The following PUM2 variants were observed in gnomAD, a reference collection of about 807,000 sequenced individuals.
The protein encoded by PUM2 is pumilio RNA binding family member 2.
A neutral mutation model predicts 124.5 loss-of-function variants in PUM2; 57 were observed. The observed-to-expected ratio is 0.46, with a 90% CI of 0.37 to 0.57. The LOEUF (loss-of-function observed/expected upper bound fraction) is 0.57. Among genes scored for constraint, PUM2 ranks in the 20% least tolerant of loss-of-function variants. PUM2 has a pLI of 0.00. For synonymous variants in PUM2, 460 were observed against 446.1 expected, an observed-to-expected ratio of 1.03 and a Z score of -0.39; for missense variants, 1,065 against 1,290.6, an observed-to-expected ratio of 0.83 and a Z score of 2.68.
At chr2:20,285,536 A>G (rs930788694) in intron 10 of PUM2, among the ~76,000 whole-genome samples, 1 of 152,096 alleles carries the variant, frequency 6.6e-6, no homozygotes, top group African/African-American at 2.4e-5. Context: ...AGGCACCACG[A>G]TTCCCCTCAG....
intron 13 of PUM2, among the ~76,000 whole-genome samples, chr2:20,265,108 T>C (rs976108097): frequency 6.6e-6 from 1 of 151,934 alleles, no homozygotes; most frequent in Non-Finnish European, 1.5e-5. Context: ...AAAAATTAGC[T>C]GGGCGCGGTG....
At position 20,264,480 on chromosome 2, in the gene PUM2, T is replaced by TA. The variant is rs539165458; in HGVS notation, c.1958-1021dup. Among the ~76,000 whole-genome samples, 4 of 138,818 alleles carry TA rather than the reference T, an allele frequency of 2.9e-5. No individual in the cohort carries two copies. The South Asian group carries it at 9.3e-4, about 32-fold the overall frequency. 91.1% of individuals were successfully genotyped at this position (138,818 alleles called of 152,430 possible). On this transcript the variant is annotated intron_variant, in intron 13 of 20. Coordinates refer to ENST00000361078, the MANE Select transcript of PUM2 (RefSeq NM_015317.5). ...CTAGAGCCTTATCATTTACAATAAA[T>TA]AAAAAACATTTTTAACTTACATTCC...
chr2:20,342,673 T>C (rs749191606), intron 1 of PUM2, among the ~76,000 whole-genome samples: 1 of 152,312 alleles, frequency 6.6e-6, no homozygotes, highest in East Asian at 1.9e-4. Context: ...TTTAGCTTAT[T>C]ATGACTTATG....
rs1670889323 is a variant in PUM2, at chr2:20,278,943, A to C, written c.1721-124T>G. 3 of 737,294 alleles carry C rather than the reference A, an allele frequency of 4.1e-6. No homozygotes were observed. The Admixed American group carries it at 7.4e-5, about 18-fold the overall frequency. 45.7% of individuals were successfully genotyped at this position (737,294 alleles called of 1,614,324 possible). A position where few individuals can be genotyped will look rare whatever the true frequency, so the allele number is the denominator to read the frequency against. On this transcript the variant is annotated intron_variant, in intron 12 of 20. Coordinates refer to ENST00000361078, the MANE Select transcript of PUM2 (RefSeq NM_015317.5). The stretch of plus-strand genomic sequence containing the variant: ...ATTATTTTTAGAAACATTTTGGAGA[A>C]GATAATTACTGTGATAACTATATAT...
At chr2:20,335,267 C>T (rs985110045) in intron 1 of PUM2, among the ~76,000 whole-genome samples, 6 of 152,184 alleles carry the variant, frequency 3.9e-5, no homozygotes, top group Non-Finnish European at 8.8e-5. Context: ...TCCGTGGTAT[C>T]TACGGCAAAC....
chr2:20,261,367 C>A (rs1666171710), intron 14 of PUM2, among the ~76,000 whole-genome samples: 1 of 121,622 alleles, frequency 8.2e-6, no homozygotes, highest in African/African-American at 3.3e-5. Flanking sequence ...GCACTCCAGC[C>A]TAAGCGACAG....
chr2:20,294,519 C>T lies in PUM2; in HGVS notation c.1010-1G>A. On this transcript the variant is annotated splice_acceptor_variant, in intron 8 of 20. Coordinates refer to ENST00000361078, the MANE Select transcript of PUM2 (RefSeq NM_015317.5). LOFTEE classifies it high-confidence loss of function. Reference sequence around the variant, plus strand: ...TACTGAGGTGGAACCACTGCTGGACCTAAACCCCACACCCGACCCCCGAAT... The same window carrying T: ...TACTGAGGTGGAACCACTGCTGGACTTAAACCCCACACCCGACCCCCGAAT... 6.2e-7 allele frequency: 1 copy of T among 1,608,416 alleles called. No individual in the cohort carries two copies. Among genetic ancestry groups the T allele is most frequent in the Non-Finnish European group, 8.5e-7 (1 of 1,176,934 alleles).
At position 20,310,850 on chromosome 2, in the gene PUM2, T is replaced by C. The variant is rs574363649; in HGVS notation, c.518+644A>G. Among the ~76,000 whole-genome samples the C allele has an allele frequency of 3.3e-5, 5 of 152,060 alleles. No homozygotes were observed. In the East Asian group the frequency reaches 7.7e-4, roughly 23 times the overall value. Reference sequence around the variant, plus strand: ...AACAACTCCCTAATATATAGATAAATATATACTGTCTAATCTAAGACCAAA... The same window carrying C: ...AACAACTCCCTAATATATAGATAAACATATACTGTCTAATCTAAGACCAAA... On this transcript the variant is annotated intron_variant, in intron 5 of 20. Coordinates refer to ENST00000361078, the MANE Select transcript of PUM2 (RefSeq NM_015317.5).
chr2:20,309,985 A>G (rs1679247314), intron 5 of PUM2, among the ~76,000 whole-genome samples: 1 of 152,114 alleles, frequency 6.6e-6, no homozygotes, highest in Non-Finnish European at 1.5e-5. Context: ...CATTTGGAAC[A>G]TATGGAATGA....
intron 1 of PUM2, among the ~76,000 whole-genome samples, chr2:20,347,245 T>C (rs1178890520): frequency 2.6e-5 from 4 of 152,202 alleles, no homozygotes. Context: ...TGTTTAAAAA[T>C]TCTCTAAAGC....
rs141299418 is a variant in PUM2 at position 20,276,405 on chromosome 2, A to G, written c.1957+2178T>C. 4.5e-3 allele frequency among the ~76,000 whole-genome samples: 691 copies of G among 152,156 alleles called. 8 individuals carry two copies. Among genetic ancestry groups the G allele is most frequent in the African/African-American group, 0.016 (673 of 41,562 alleles). The stretch of plus-strand genomic sequence containing the variant: ...TAACTGTAATGGTTGTAACATTCAC[A>G]TCTTAAAATAAAATCTCCCAGAAAA... On this transcript the variant is annotated intron_variant, in intron 13 of 20. Coordinates refer to ENST00000361078, the MANE Select transcript of PUM2 (RefSeq NM_015317.5).
intron 13 of PUM2, among the ~76,000 whole-genome samples, chr2:20,272,155 A>AATG (rs1553367200): frequency 1.6e-3 from 235 of 148,286 alleles, no homozygotes; most frequent in Non-Finnish European, 2.9e-3. Flanking sequence ...AGACTTCGTC[A>AATG]AATGAATGAA....
chr2:20,330,215 T>TA (rs987076134), intron 1 of PUM2, among the ~76,000 whole-genome samples: 1 of 152,188 alleles, frequency 6.6e-6, no homozygotes, highest in African/African-American at 2.4e-5. Context: ...TCCAGACTTT[T>TA]ACACCTGCGG....
chr2:20,290,713 C>T lies in PUM2; in HGVS notation c.1230G>A (p.Ala410=), dbSNP rs767773819. The T allele has an allele frequency of 8.1e-6, 13 of 1,613,186 alleles. No individual in the cohort carries two copies. The highest frequency in any genetic ancestry group is 1.1e-5 in the South Asian group (1 of 90,928). Residue 410 remains alanine, a synonymous_variant, in exon 10 of 21, where the codon GCG becomes GCA. Transcript: ENST00000361078. ...ATGTTGGATTTGCTGCTGCAGCTGC[C>T]GCAAGTGATTCTGCTTGCTGCCCTT... The part of the protein sequence containing the change: ...GQQGQQAESL[A]AAAAANPTLA...
rs544866459 is a variant in PUM2, at chr2:20,271,179, T to C, written c.1957+7404A>G. On this transcript the variant is annotated intron_variant, in intron 13 of 20. Transcript: ENST00000361078. ...AATATTGAATAAGTAACAATTTTAA[T>C]CACATAATTCTAAAAAGGAGTCTAA... 2.6e-5 allele frequency among the ~76,000 whole-genome samples: 4 copies of C among 152,188 alleles called. No individual in the cohort carries two copies. The South Asian group carries it at 8.3e-4, about 32-fold the overall frequency.
chr2:20,258,145 A>T, intron 16 of PUM2, 98 bp downstream of exon 16: 3 of 1,130,128 alleles, frequency 2.7e-6, no homozygotes, highest in South Asian at 1.8e-5. Context: ...GGAAATATTT[A>T]AGTCTTTTCA....
chr2:20,322,029 C>A (rs113093308), intron 2 of PUM2, among the ~76,000 whole-genome samples: 1 of 151,940 alleles, frequency 6.6e-6, no homozygotes, highest in Non-Finnish European at 1.5e-5. Context: ...CATGAGTATA[C>A]CTATACTTCA....
At chr2:20,281,724 G>A (rs13395463) in intron 12 of PUM2, among the ~76,000 whole-genome samples, 24 of 152,148 alleles carry the variant, frequency 1.6e-4, no homozygotes, top group African/African-American at 5.8e-4. Context: ...CAATCCCCAT[G>A]TTCACTGGAT....
chr2:20,257,646 T>C (rs1665133387), intron 16 of PUM2, among the ~76,000 whole-genome samples: 1 of 152,196 alleles, frequency 6.6e-6, no homozygotes, highest in Non-Finnish European at 1.5e-5. Context: ...ACTCTCAATA[T>C]TCTTGTCTAT....
Sources: allele counts gnomAD v4.1 joint callset (sites outside exome capture counted in the v4.1 genomes callset), GRCh38; gene constraint gnomAD v4.1.1; transcripts MANE v1.5; gene names NCBI Gene and HGNC (gene_info 2026-07-23, HGNC 2026-07-21).